The following DGKQ variants were observed in gnomAD, a reference collection of about 807,000 sequenced individuals.
DGKQ encodes diacylglycerol kinase theta.
A neutral mutation model predicts 104.2 loss-of-function variants in DGKQ; 97 were observed. The observed-to-expected ratio is 0.93, with a 90% CI of 0.79 to 1.10. The LOEUF is 1.10. Among genes scored for constraint, DGKQ ranks in the 50% least tolerant of loss-of-function variants. The probability of loss-of-function intolerance (pLI) is 0.00; values close to 1 mark genes in which losing one functional copy is unlikely to be tolerated. For synonymous variants in DGKQ, 736 were observed against 595.2 expected, an observed-to-expected ratio of 1.24 and a Z score of -3.44; for missense variants, 1,465 against 1,352.1, an observed-to-expected ratio of 1.08 and a Z score of -1.31.
At chr4:966,827 G>C in intron 10 of DGKQ, 25 bp from the exon 11 acceptor site, 1 of 1,600,938 alleles carries the variant, frequency 6.2e-7, no homozygotes, top group Non-Finnish European at 8.5e-7. Flanking sequence ...CTTGGCATCG[G>C]GTCTGGGCAG....
rs1167572401 is a variant in DGKQ at position 966,094 on chromosome 4, C to A, written c.1429-16G>T. The A allele has an allele frequency of 1.9e-6, 3 of 1,586,734 alleles. No homozygotes were observed. In the African/African-American group the frequency reaches 4.0e-5, roughly 21 times the overall value. On this transcript the variant is annotated splice_polypyrimidine_tract_variant and intron_variant, in intron 12 of 22. Coordinates refer to ENST00000273814, the MANE Select transcript of DGKQ (RefSeq NM_001347.4). ...GCACAGACATCTGCAGGGAGAGGGG[C>A]GGGGATGCTGGGCCGGGGAGAACGG...
chr4:967,556 T>C lies in DGKQ; in HGVS notation c.980A>G (p.Glu327Gly). The change falls in exon 8 of 23, where the codon GAG becomes GGG. Residue 327 changes from glutamate to glycine, a missense_variant. Glu to Gly is a moderately conservative substitution (Grantham distance 98). Coordinates refer to ENST00000273814, the MANE Select transcript of DGKQ (RefSeq NM_001347.4). ...VTVSRLAGAEEVLEAALRAHH... is the reference protein window; with the variant it reads ...VTVSRLAGAEGVLEAALRAHH... ...CCCCAGCCTCCCCCTTACCAGCACC[T>C]CCTCGGCACCGGCCAGGCGGGACAC... The C allele has an allele frequency of 6.2e-7, 1 of 1,612,122 alleles. No individual in the cohort carries two copies. Among genetic ancestry groups the C allele is most frequent in the Non-Finnish European group, 8.5e-7 (1 of 1,179,656 alleles).
At chr4:966,155 A>C in intron 12 of DGKQ, 77 bp from the exon 13 acceptor site, 1 of 1,387,034 alleles carries the variant, frequency 7.2e-7, no homozygotes, top group Non-Finnish European at 9.9e-7. Context: ...CCTCACCCGC[A>C]AAACAGCAAA....
In DGKQ at chr4:968,311, C is replaced by T. The variant is rs1411064549; in HGVS notation, c.634G>A (p.Gly212Ser). The T allele has an allele frequency of 7.2e-6, 11 of 1,529,724 alleles. No homozygotes were observed. The highest frequency in any genetic ancestry group is 4.0e-5 in the Admixed American group (2 of 50,266). The allele number at this position is 1,529,724 out of a possible 1,614,324, so 94.8% of individuals were successfully genotyped here. Residue 212 changes from glycine to serine, a missense_variant, in exon 5 of 23, where the codon GGC becomes AGC. Gly to Ser is a moderately conservative substitution (Grantham distance 56). Transcript: ENST00000273814. ...ACCCCGCACCACTCGCAGCGCACGCCGGCCAGCACGTCAGAGGAGCCGCAC... is the reference window on the plus strand; with the variant it reads ...ACCCCGCACCACTCGCAGCGCACGCTGGCCAGCACGTCAGAGGAGCCGCAC... ...KTCGSSDVLA[G>S]VRCEWCGVQA...
Position 970,980 on chromosome 4 carries a change from GC to G in DGKQ, c.351+12del. On this transcript the variant is annotated intron_variant, in intron 2 of 22. Coordinates refer to ENST00000273814, the MANE Select transcript of DGKQ (RefSeq NM_001347.4). Reference sequence around the variant, plus strand: ...CAGCCTCTTGCAGGTGCAACACCCAGCCCCACACTCACCCGGACCAGGCTGG... The same window carrying G: ...CAGCCTCTTGCAGGTGCAACACCCAGCCCACACTCACCCGGACCAGGCTGG... 1 of 1,547,374 alleles carries G rather than the reference GC, an allele frequency of 6.5e-7. No homozygotes were observed.
chr4:967,797 C>T lies in DGKQ; in HGVS notation c.817G>A (p.Gly273Arg), dbSNP rs759837865. 6.2e-7 allele frequency: 1 copy of T among 1,600,776 alleles called. No homozygotes were observed. The highest frequency in any genetic ancestry group is 1.7e-5 in the Admixed American group (1 of 58,220). The stretch of plus-strand genomic sequence containing the variant: ...GCGCTCCCGTCGGCGCCGTCGCCCC[C>T]CTCGCCTGCGGGTCGGGCACACGGA... ...RIVEAAEPGE[G>R]GDGADGSAAV... is the part of the protein sequence containing the mutation. The change falls in exon 7 of 23, where the codon GGG becomes AGG. Residue 273 changes from glycine to arginine, a missense_variant. Transcript: ENST00000273814.
In DGKQ at chr4:965,941, G is replaced by A. The variant is rs533889957; in HGVS notation, c.1566C>T (p.Ala522=). 87 of 1,603,538 alleles carry A rather than the reference G, an allele frequency of 5.4e-5. 1 individual carries two copies. In the East Asian group the frequency reaches 1.1e-3, roughly 21 times the overall value. The change falls in exon 13 of 23, where the codon GCC becomes GCT. Residue 522 remains alanine, a synonymous_variant. Coordinates refer to ENST00000273814, the MANE Select transcript of DGKQ (RefSeq NM_001347.4). Reference sequence around the variant, plus strand: ...CAGTGGTCACACCTTTGGTAGCCCCGGCCTCATGCAGCAGGCTGCTGTACT... The same window carrying A: ...CAGTGGTCACACCTTTGGTAGCCCCAGCCTCATGCAGCAGGCTGCTGTACT... The part of the protein sequence containing the change: ...PEEYSSLLHE[A]GATKATVVSV...
At position 971,842 on chromosome 4, in the gene DGKQ, C is replaced by T. The variant is rs111355002; in HGVS notation, c.272-770G>A. ...ACAGCCCCGGGTGAAGGTTGTGCCA[C>T]GGAGCCCCAGGCAGTCCAGCTGGGA... On this transcript the variant is annotated intron_variant, in intron 1 of 22. Coordinates refer to ENST00000273814, the MANE Select transcript of DGKQ (RefSeq NM_001347.4). The surrounding 1 kb of genome is among the most constrained non-coding windows in gnomAD (Gnocchi z 4.0). Among the ~76,000 whole-genome samples, 45 of 152,268 alleles carry T rather than the reference C, an allele frequency of 3.0e-4. No homozygotes were observed. The highest frequency in any genetic ancestry group is 3.4e-4 in the African/African-American group (14 of 41,558).
chr4:970,142 A>G (rs1200977640), intron 2 of DGKQ, among the ~76,000 whole-genome samples: 1 of 152,210 alleles, frequency 6.6e-6, no homozygotes, highest in Non-Finnish European at 1.5e-5. Flanking sequence ...CTGCATCATT[A>G]GGAACAGGGC....
intron 1 of DGKQ, among the ~76,000 whole-genome samples, chr4:972,099 G>A (rs902189080): frequency 2.6e-5 from 4 of 152,060 alleles, no homozygotes; most frequent in African/African-American, 7.2e-5. Context: ...GTCTCCTGGC[G>A]GGGAGGGTGC....
intron 5 of DGKQ, 46 bp from the exon 6 acceptor site, chr4:968,073 G>C: frequency 7.5e-7 from 1 of 1,328,808 alleles, no homozygotes; most frequent in South Asian, 1.6e-5. Context: ...CCAGGGTGCG[G>C]GGGCACCAGG....
rs1712005036 is a variant in DGKQ at position 962,979 on chromosome 4, G to A, written c.1887-59C>T. 43 of 1,553,670 alleles carry A rather than the reference G, an allele frequency of 2.8e-5. 1 individual carries two copies. The South Asian group carries it at 5.0e-4, about 18-fold the overall frequency. ...GCGGGCGCAGCCCATCCCCCACCCA[G>A]GCTGCCTCTTCCAAGTGCCCGTCCT... On this transcript the variant is annotated intron_variant, in intron 16 of 22. Transcript: ENST00000273814.
chr4:962,397 G>A (rs1711954346), intron 18 of DGKQ, 38 bp downstream of exon 18: 10 of 1,521,744 alleles, frequency 6.6e-6, no homozygotes, highest in Non-Finnish European at 7.9e-6. Context: ...GTCATATGCA[G>A]GAGCCTGGAA....
chr4:965,825 T>C, intron 13 of DGKQ, 103 bp downstream of exon 13: 1 of 1,314,914 alleles, frequency 7.6e-7, no homozygotes, highest in Non-Finnish European at 1.0e-6. Context: ...CAGGCCTTGG[T>C]GGCTCAAGGA....
chr4:961,266 G>C (rs1303068422), intron 21 of DGKQ, 65 bp from the exon 22 acceptor site: 1 of 1,366,888 alleles, frequency 7.3e-7, no homozygotes, highest in Non-Finnish European at 9.7e-7. Flanking sequence ...ACCTGGCCCT[G>C]GGGCGGGAGA....
intron 4 of DGKQ, 31 bp downstream of exon 4, chr4:968,448 C>G: frequency 1.3e-6 from 2 of 1,593,740 alleles, no homozygotes. Flanking sequence ...CCGCCCCACC[C>G]CCCAGGGCTC....
At chr4:968,072 G>C (rs1712578685) in intron 5 of DGKQ, 45 bp from the exon 6 acceptor site, 2 of 1,319,722 alleles carry the variant, frequency 1.5e-6, no homozygotes, top group African/African-American at 3.1e-5. Flanking sequence ...GCCAGGGTGC[G>C]GGGGCACCAG....
In DGKQ at chr4:967,918, T is replaced by C. The variant is rs1285408054; in HGVS notation, c.773A>G (p.Lys258Arg). 1 of 1,462,882 alleles carries C rather than the reference T, an allele frequency of 6.8e-7. No individual in the cohort carries two copies. Among genetic ancestry groups the C allele is most frequent in the Non-Finnish European group, 9.0e-7 (1 of 1,115,936 alleles). The allele number at this position is 1,462,882 out of a possible 1,614,324, so 90.6% of individuals were successfully genotyped here. The change falls in exon 6 of 23, where the codon AAG (lysine) becomes AGG (arginine). Residue 258 changes from lysine (K) to arginine (R), a missense_variant. Physicochemically the swap from Lys to Arg is conservative, Grantham distance 26. Coordinates refer to ENST00000273814, the MANE Select transcript of DGKQ (RefSeq NM_001347.4). ...CTCCACGATGCGGAAGCTCTGCGTC[T>C]TGCTGAAGCCGCCGGGCAGAAGGCG... ...CVRLLPGGFSKTQSFRIVEAA... is the reference protein window; with the variant it reads ...CVRLLPGGFSRTQSFRIVEAA...
intron 15 of DGKQ, among the ~76,000 whole-genome samples, chr4:964,360 A>G (rs963081122): frequency 2.0e-5 from 3 of 152,240 alleles, no homozygotes; most frequent in African/African-American, 7.2e-5. Flanking sequence ...GGGGTAGAAC[A>G]GCCATGGACA....
Sources: gnomAD v4.1 joint callset for allele counts (sites outside exome capture counted in the v4.1 genomes callset) on GRCh38, gnomAD v4.1.1 for gene constraint, Gnocchi (gnomAD v3.1) non-coding constraint, MANE v1.5 for transcripts, NCBI Gene and HGNC (gene_info 2026-07-23, HGNC 2026-07-21) for gene names.